Variants in ARL15 observed in about 807,000 individuals in gnomAD.
ARL15 encodes ARF like GTPase 15.
In ARL15, 19 loss-of-function variants were observed where a neutral mutation model predicts 25.2. The ratio of observed to expected loss-of-function variants is 0.75; its 90% CI spans 0.53 to 1.10. ARL15 has a LOEUF of 1.10. Among genes scored for constraint, ARL15 ranks in the 50% least tolerant of loss-of-function variants. ARL15 has a pLI of 0.00. For missense variants in ARL15, 220 were observed against 246.0 expected (o/e 0.89, Z 0.71); for synonymous variants, 94 against 86.8 (o/e 1.08, Z -0.46).
At chr5:54,191,463 T>C (rs66704626) in intron 1 of ARL15, among the ~76,000 whole-genome samples, 20,908 of 150,420 alleles carry the variant, frequency 0.14, 1,808 homozygotes, top group Non-Finnish European at 0.21. Context: ...GTTAAGATGG[T>C]GAATTTTATA....
intron 1 of ARL15, among the ~76,000 whole-genome samples, chr5:54,198,372 G>A (rs1311915965): frequency 2.0e-5 from 3 of 152,122 alleles, no homozygotes; most frequent in South Asian, 2.1e-4. Flanking sequence ...GTTTGCAGAC[G>A]ACACAATTGG....
intron 1 of ARL15, among the ~76,000 whole-genome samples, chr5:54,231,993 TA>T (rs1276677613): frequency 6.6e-6 from 1 of 152,188 alleles, no homozygotes; most frequent in East Asian, 1.9e-4. Context: ...CTTAGCAGTC[TA>T]CGCTGCGGCC....
chr5:54,221,747 C>CT (rs1409303495), intron 1 of ARL15, among the ~76,000 whole-genome samples: 1 of 151,866 alleles, frequency 6.6e-6, no homozygotes, highest in East Asian at 1.9e-4. Flanking sequence ...AATAAAATCT[C>CT]TGTCAAGCTT....
At chr5:54,189,575 A>G (rs539990891) in intron 1 of ARL15, among the ~76,000 whole-genome samples, 1 of 152,232 alleles carries the variant, frequency 6.6e-6, no homozygotes, top group South Asian at 2.1e-4. Flanking sequence ...TGGTGCTAGG[A>G]AAACTGGATA....
intron 4 of ARL15, among the ~76,000 whole-genome samples, chr5:53,979,508 C>T (rs1748049612): frequency 6.6e-6 from 1 of 152,268 alleles, no homozygotes; most frequent in East Asian, 1.9e-4. Flanking sequence ...CCATTGCACT[C>T]CAGCCTGGGC....
At chr5:54,303,649 C>A (rs1388561748) in intron 1 of ARL15, among the ~76,000 whole-genome samples, 2 of 119,834 alleles carry the variant, frequency 1.7e-5, no homozygotes, top group African/African-American at 6.7e-5. Flanking sequence ...CAGAGTGAGA[C>A]CCTGTCAAAA....
intron 4 of ARL15, among the ~76,000 whole-genome samples, chr5:54,109,048 T>G (rs1172472042): frequency 1.3e-5 from 2 of 152,070 alleles, no homozygotes; most frequent in African/African-American, 4.8e-5. Context: ...TATCTTGTTT[T>G]TCAAACATAA....
chr5:54,309,137 T>C (rs1320860706), intron 1 of ARL15, among the ~76,000 whole-genome samples: 1 of 152,214 alleles, frequency 6.6e-6, no homozygotes, highest in Non-Finnish European at 1.5e-5. Flanking sequence ...ACTGGGTGAA[T>C]AATATCCCTT....
chr5:54,233,362 T>C (rs533377044), intron 1 of ARL15, among the ~76,000 whole-genome samples: 2 of 152,324 alleles, frequency 1.3e-5, no homozygotes, highest in Non-Finnish European at 2.9e-5. Context: ...TAAAAATAAA[T>C]GAAGTGGGCA....
chr5:53,928,338 A>T (rs1325551952), intron 4 of ARL15, among the ~76,000 whole-genome samples: 4 of 152,194 alleles, frequency 2.6e-5, no homozygotes, highest in Non-Finnish European at 5.9e-5. Context: ...TTTGGTAGAA[A>T]ATCAGTGTCA....
In ARL15 at chr5:54,310,517, GA is replaced by G. The variant is rs749966628; in HGVS notation, c.-39del. On this transcript the variant is annotated 5_prime_UTR_variant, in exon 1 of 5. Coordinates refer to ENST00000504924, the MANE Select transcript of ARL15 (RefSeq NM_019087.3). Reference sequence around the variant, plus strand: ...AGCATCCGGAACGGCTCCGAACCCGGAAAAAAAAAGCAGCGTCTCTGGCTGC... The same window carrying G: ...AGCATCCGGAACGGCTCCGAACCCGGAAAAAAAAGCAGCGTCTCTGGCTGC... 2.1e-5 allele frequency: 32 copies of G among 1,506,158 alleles called. No homozygotes were observed. Among genetic ancestry groups the G allele is most frequent in the Middle Eastern group, 1.7e-4 (1 of 5,724 alleles). The allele number at this position is 1,506,158 out of a possible 1,614,324, so 93.3% of individuals were successfully genotyped here. A position where few individuals can be genotyped will look rare whatever the true frequency, so the allele number is the denominator to read the frequency against.
At position 54,165,738 on chromosome 5, in the gene ARL15, T is replaced by TTATATATATATATATA. The variant is rs3063747; in HGVS notation, c.193+6030_193+6045dup. ...TATGGATATAAATATATACCTTTGT[T>TTATATATATATATATA]TATATATATATATATAAATAGAGAC... On this transcript the variant is annotated intron_variant, in intron 2 of 4. Coordinates refer to ENST00000504924, the MANE Select transcript of ARL15 (RefSeq NM_019087.3). Among the ~76,000 whole-genome samples, 105 of 147,932 alleles carry TTATATATATATATATA rather than the reference T, an allele frequency of 7.1e-4. 1 individual carries two copies. Among genetic ancestry groups the TTATATATATATATATA allele is most frequent in the African/African-American group, 2.4e-3 (97 of 40,354 alleles).
At chr5:53,903,269 T>A (rs764504136) in intron 4 of ARL15, among the ~76,000 whole-genome samples, 27 of 152,124 alleles carry the variant, frequency 1.8e-4, no homozygotes, top group Non-Finnish European at 3.1e-4. Flanking sequence ...TGGCCTTGGG[T>A]CGTAATTGTC....
At chr5:54,220,411 A>T (rs1459025286) in intron 1 of ARL15, among the ~76,000 whole-genome samples, 5 of 152,198 alleles carry the variant, frequency 3.3e-5, no homozygotes, top group African/African-American at 1.2e-4. Flanking sequence ...GGTTTAATCT[A>T]AGTGGAGTCA....
At chr5:54,149,427 T>C (rs1754001600) in intron 3 of ARL15, among the ~76,000 whole-genome samples, 2 of 152,186 alleles carry the variant, frequency 1.3e-5, no homozygotes, top group Admixed American at 6.5e-5. Flanking sequence ...ATTTGCATTA[T>C]TTCTGACCTT....
At chr5:53,989,311 C>G (rs1276992514) in intron 4 of ARL15, among the ~76,000 whole-genome samples, 1 of 152,136 alleles carries the variant, frequency 6.6e-6, no homozygotes, top group Admixed American at 6.5e-5. Context: ...ATTCTATGAT[C>G]GTGTGTTAAA....
intron 1 of ARL15, among the ~76,000 whole-genome samples, chr5:54,309,172 T>C (rs1352814117): frequency 6.6e-6 from 1 of 152,222 alleles, no homozygotes; most frequent in Non-Finnish European, 1.5e-5. Flanking sequence ...AGGAAGTTAC[T>C]GCCATCAACA....
chr5:53,912,867 C>T (rs749532396), intron 4 of ARL15, among the ~76,000 whole-genome samples: 2 of 152,212 alleles, frequency 1.3e-5, no homozygotes, highest in Non-Finnish European at 2.9e-5. Context: ...TAATCCCAAA[C>T]TTCTAGCTAC....
intron 4 of ARL15, among the ~76,000 whole-genome samples, chr5:53,907,950 C>T (rs1250963430): frequency 1.3e-5 from 2 of 152,086 alleles, no homozygotes; most frequent in African/African-American, 4.8e-5. Flanking sequence ...TAAAGCAGTC[C>T]TATTTTTTCA....
Sources: allele counts gnomAD v4.1 joint callset (sites outside exome capture counted in the v4.1 genomes callset), GRCh38; gene constraint gnomAD v4.1.1; transcripts MANE v1.5; gene names NCBI Gene and HGNC (gene_info 2026-07-23, HGNC 2026-07-21).